The following UBE2H variants were observed in gnomAD, a reference collection of about 807,000 sequenced individuals.
UBE2H encodes ubiquitin conjugating enzyme E2 H.
In UBE2H, 3 loss-of-function variants were observed where a neutral mutation model predicts 29.0. The observed-to-expected ratio is 0.10, with a 90% CI of 0.05 to 0.27. The LOEUF is 0.27. Among genes scored for constraint, UBE2H ranks in the 10% least tolerant of loss-of-function variants. UBE2H has a pLI of 1.00. For synonymous variants in UBE2H, 69 were observed against 82.9 expected (o/e 0.83, Z 0.91); for missense variants, 68 against 228.2 (o/e 0.30, Z 4.52).
At chr7:129,842,875 C>A (rs559527911) in intron 5 of UBE2H, among the ~76,000 whole-genome samples, 2 of 152,064 alleles carry the variant, frequency 1.3e-5, no homozygotes, top group African/African-American at 4.8e-5. Context: ...TGCACCGCAG[C>A]CTGTGCAACA....
chr7:129,848,836 C>CTTTTTTT (rs34279042), intron 5 of UBE2H, among the ~76,000 whole-genome samples: 11 of 128,728 alleles, frequency 8.5e-5, no homozygotes, highest in East Asian at 4.5e-4. Context: ...AACCAGGTAG[C>CTTTTTTT]TTTTTTTTTT....
intron 1 of UBE2H, among the ~76,000 whole-genome samples, chr7:129,920,957 G>C (rs1807149614): frequency 6.7e-6 from 1 of 149,878 alleles, no homozygotes; most frequent in Non-Finnish European, 1.5e-5. Context: ...GAGGCCAGGA[G>C]TTTGAGAACA....
intron 3 of UBE2H, among the ~76,000 whole-genome samples, chr7:129,870,945 T>C (rs1291729718): frequency 1.3e-5 from 2 of 152,236 alleles, no homozygotes; most frequent in Non-Finnish European, 2.9e-5. Flanking sequence ...CTCTTACCCC[T>C]GATTTTGGAG....
At chr7:129,901,336 G>T (rs1332862657) in intron 1 of UBE2H, among the ~76,000 whole-genome samples, 1 of 152,158 alleles carries the variant, frequency 6.6e-6, no homozygotes, top group East Asian at 1.9e-4. Context: ...TCTCTATCAA[G>T]ACCACAGGGC....
At chr7:129,896,527 A>G (rs1584772532) in intron 1 of UBE2H, among the ~76,000 whole-genome samples, 3 of 151,662 alleles carry the variant, frequency 2.0e-5, no homozygotes, top group Admixed American at 2.0e-4. Context: ...CACCTCACCC[A>G]CCCCAGTAGC....
chr7:129,859,979 T>C (rs1805770980), intron 3 of UBE2H, among the ~76,000 whole-genome samples: 1 of 152,210 alleles, frequency 6.6e-6, no homozygotes, highest in African/African-American at 2.4e-5. Context: ...CAGTTCACTA[T>C]TCTTGAGGAG....
rs755359812 is a variant in UBE2H at position 129,833,212 on chromosome 7, TATAG to T, written c.*1721_*1724del. ...CATGCTAAAAGCAAGTTGTACTTTATATAGATTTTCAAACAAAAGATTGATTGTG... is the reference window on the plus strand; with the variant it reads ...CATGCTAAAAGCAAGTTGTACTTTATATTTTCAAACAAAAGATTGATTGTG... On this transcript the variant is annotated 3_prime_UTR_variant, in exon 7 of 7. Transcript: ENST00000355621. 10 of 152,726 alleles carry T rather than the reference TATAG, an allele frequency of 6.5e-5. No homozygotes were observed. Among genetic ancestry groups the T allele is most frequent in the Admixed American group, 3.3e-4 (5 of 15,294 alleles). 9.5% of individuals were successfully genotyped at this position (152,726 alleles called of 1,614,324 possible).
chr7:129,942,287 C>A (rs186180395), intron 1 of UBE2H, among the ~76,000 whole-genome samples: 11 of 149,464 alleles, frequency 7.4e-5, no homozygotes, highest in Admixed American at 2.7e-4. Flanking sequence ...GTAATCCCAG[C>A]ACTCTGGGAG....
intron 3 of UBE2H, among the ~76,000 whole-genome samples, chr7:129,862,544 A>G (rs966276304): frequency 2.6e-5 from 4 of 152,178 alleles, no homozygotes; most frequent in African/African-American, 9.7e-5. Context: ...GCAATTTTAA[A>G]TGAGATGGTC....
intron 3 of UBE2H, among the ~76,000 whole-genome samples, chr7:129,868,924 T>TCTC (rs1805970922): frequency 1.2e-5 from 1 of 85,648 alleles, no homozygotes; most frequent in Admixed American, 1.5e-4. Flanking sequence ...CACCCGGGTC[T>TCTC]CTCTCTCTCT....
intron 1 of UBE2H, among the ~76,000 whole-genome samples, chr7:129,902,547 T>A (rs901797482): frequency 3.3e-5 from 5 of 152,174 alleles, no homozygotes; most frequent in Non-Finnish European, 7.3e-5. Flanking sequence ...GGAGGCTCCA[T>A]GGGACGGGGG....
At chr7:129,933,374 A>G (rs1807447800) in intron 1 of UBE2H, among the ~76,000 whole-genome samples, 1 of 152,226 alleles carries the variant, frequency 6.6e-6, no homozygotes, top group South Asian at 2.1e-4. Flanking sequence ...TGCAACTTAT[A>G]AAACAGGGTA....
At chr7:129,857,795 C>T (rs1001022871) in intron 4 of UBE2H, among the ~76,000 whole-genome samples, 12 of 152,098 alleles carry the variant, frequency 7.9e-5, no homozygotes. Context: ...CAGACAACAC[C>T]TGAACCAGGT....
chr7:129,931,108 C>T (rs923495272), intron 1 of UBE2H, among the ~76,000 whole-genome samples: 1 of 151,780 alleles, frequency 6.6e-6, no homozygotes, highest in African/African-American at 2.4e-5. Context: ...GTCCCAGCTA[C>T]TTGGGAGGCT....
In UBE2H at chr7:129,883,129, C is replaced by A. The variant is rs189865292; in HGVS notation, c.54-2158G>T. Among the ~76,000 whole-genome samples, 31 of 152,226 alleles carry A rather than the reference C, an allele frequency of 2.0e-4. No individual in the cohort carries two copies. The Middle Eastern group carries it at 0.01, about 50-fold the overall frequency. The stretch of plus-strand genomic sequence containing the variant: ...ATTTCTTCACTATAAACAATGAAAA[C>A]AACGAAAGAGCTGGATAAAATCTAG... On this transcript the variant is annotated intron_variant, in intron 1 of 6. Transcript: ENST00000355621.
At position 129,833,726 on chromosome 7, in the gene UBE2H, C is replaced by A. The variant is rs1805272522; in HGVS notation, c.*1211G>T. On this transcript the variant is annotated 3_prime_UTR_variant, in exon 7 of 7. Transcript: ENST00000355621. ...TGTAGAATCACTCTGGGTACAAGAA[C>A]CTTTATTTGTTCCAATTATTATTTG... 3.3e-5 allele frequency: 5 copies of A among 152,054 alleles called. No homozygotes were observed. Among genetic ancestry groups the A allele is most frequent in the Admixed American group, 3.3e-4 (5 of 15,258 alleles). The allele number at this position is 152,054 out of a possible 1,614,324, so 9.4% of individuals were successfully genotyped here. A position where few individuals can be genotyped will look rare whatever the true frequency, so the allele number is the denominator to read the frequency against.
intron 3 of UBE2H, among the ~76,000 whole-genome samples, chr7:129,869,253 T>A (rs1805980313): frequency 6.6e-6 from 1 of 152,004 alleles, no homozygotes; most frequent in African/African-American, 2.4e-5. Flanking sequence ...CTTAAGCTTC[T>A]CCTCAGTGAC....
At chr7:129,935,479 T>C (rs1807509322) in intron 1 of UBE2H, among the ~76,000 whole-genome samples, 1 of 150,394 alleles carries the variant, frequency 6.6e-6, no homozygotes, top group Admixed American at 6.6e-5. Context: ...AACTTTGAAA[T>C]GAAAACAGCA....
At chr7:129,863,265 C>T (rs1805835230) in intron 3 of UBE2H, among the ~76,000 whole-genome samples, 1 of 152,160 alleles carries the variant, frequency 6.6e-6, no homozygotes, top group African/African-American at 2.4e-5. Context: ...CTCCAGTGCC[C>T]CTGCTAAGTA....
Sources: gnomAD v4.1 joint callset for allele counts (sites outside exome capture counted in the v4.1 genomes callset) on GRCh38, gnomAD v4.1.1 for gene constraint, MANE v1.5 for transcripts, NCBI Gene and HGNC (gene_info 2026-07-23, HGNC 2026-07-21) for gene names.